ZC3H7A: variants seen among roughly 807,000 people sequenced by gnomAD.
The protein encoded by ZC3H7A is zinc finger CCCH domain-containing protein 7A.
In ZC3H7A, 44 loss-of-function variants were observed where a neutral mutation model predicts 125.5. That is an observed-to-expected ratio of 0.35 (90% confidence interval 0.28 to 0.45). ZC3H7A has a LOEUF of 0.45. ZC3H7A is among the 20% of genes least tolerant of loss of function. The probability of loss-of-function intolerance (pLI) is 1.00; values close to 1 mark genes in which losing one functional copy is unlikely to be tolerated. For synonymous variants in ZC3H7A, 399 were observed against 391.2 expected (o/e 1.02, Z -0.23); for missense variants, 977 against 1,170.7 (o/e 0.83, Z 2.41).
chr16:11,774,644 C>T, intron 8 of ZC3H7A, 125 bp from the exon 9 acceptor site: 1 of 1,201,030 alleles, frequency 8.3e-7, no homozygotes, highest in Non-Finnish European at 1.1e-6. Flanking sequence ...ATAAAATTGA[C>T]AGTATAGTAA....
rs200631759 is a variant in ZC3H7A, at chr16:11,763,474, C to T, written c.2002+4G>A. 338 of 1,592,458 alleles carry T rather than the reference C, an allele frequency of 2.1e-4. 1 individual carries two copies. The Admixed American group carries it at 5.7e-3, about 27-fold the overall frequency. The stretch of plus-strand genomic sequence containing the variant: ...ACATACTTCTCAGTCGCACTCAAAC[C>T]TACCTGTTTCATTTTGCATTATCCA... On this transcript the variant is annotated splice_donor_region_variant and intron_variant, in intron 16 of 22. Transcript: ENST00000355758.
At chr16:11,794,612 T>G (rs545028092) in intron 1 of ZC3H7A, among the ~76,000 whole-genome samples, 6 of 152,220 alleles carry the variant, frequency 3.9e-5, no homozygotes, top group Non-Finnish European at 5.9e-5. Flanking sequence ...CACATCATAC[T>G]GTCTCTAGAA....
Position 11,758,510 on chromosome 16 carries a change from T to C in ZC3H7A, c.2349A>G (p.Lys783=), listed in dbSNP as rs775517937. 2 of 1,612,798 alleles carry C rather than the reference T, an allele frequency of 1.2e-6. No individual in the cohort carries two copies. The highest frequency in any genetic ancestry group is 8.5e-7 in the Non-Finnish European group (1 of 1,179,060). Residue 783 remains lysine, a synonymous_variant, in exon 20 of 23, where the codon AAA becomes AAG. Coordinates refer to ENST00000355758, the MANE Select transcript of ZC3H7A (RefSeq NM_014153.4). The part of the protein sequence containing the change: ...DLCNHIASGK[K]CQYVGNCSFA... Reference sequence around the variant, plus strand: ...AGGAACAGTTTCCAACATATTGACATTTTTTCCCAGAAGCAATATGGTTGC... The same window carrying C: ...AGGAACAGTTTCCAACATATTGACACTTTTTCCCAGAAGCAATATGGTTGC...
intron 16 of ZC3H7A, chr16:11,763,170 T>G (rs1213068425): frequency 1.2e-5 from 3 of 259,346 alleles, no homozygotes; most frequent in Non-Finnish European, 2.2e-5. Flanking sequence ...CGTAGTGTTG[T>G]GATCCTGGCC....
intron 21 of ZC3H7A, 71 bp from the exon 22 acceptor site, chr16:11,752,903 CAGGCTGGTG>C: frequency 6.5e-7 from 1 of 1,549,798 alleles, no homozygotes; most frequent in Non-Finnish European, 8.7e-7. Flanking sequence ...CCAGGGAGCC[CAGGCTGGTG>C]GGAGAGCCAG....
intron 11 of ZC3H7A, among the ~76,000 whole-genome samples, 154 bp downstream of exon 11, chr16:11,768,877 T>C (rs1275331404): frequency 1.3e-5 from 2 of 152,216 alleles, no homozygotes; most frequent in Non-Finnish European, 1.5e-5. Flanking sequence ...AGAGCCGTTA[T>C]TACTAGATGT....
In ZC3H7A at chr16:11,752,767, G is replaced by C; in HGVS notation, c.2628C>G (p.Ile876Met). The C allele has an allele frequency of 1.2e-6, 2 of 1,614,172 alleles. No individual in the cohort carries two copies. The highest frequency in any genetic ancestry group is 1.7e-6 in the Non-Finnish European group (2 of 1,180,028). The change falls in exon 22 of 23, where the codon ATC becomes ATG. Residue 876 changes from isoleucine (I) to methionine (M), a missense_variant. Ile to Met is a conservative substitution (Grantham distance 10, BLOSUM62 1). Transcript: ENST00000355758. ...CNSEKQWQGH[I>M]SSEKHKEKVF... ...CCTTCTCTTTGTGCTTCTCGGAGGAGATGTGGCCCTGCCACTGCTTCTCAC... is the reference window on the plus strand; with the variant it reads ...CCTTCTCTTTGTGCTTCTCGGAGGACATGTGGCCCTGCCACTGCTTCTCAC...
chr16:11,776,485 T>C lies in ZC3H7A; in HGVS notation c.513A>G (p.Gly171=), dbSNP rs1260614353. Residue 171 remains glycine (G), a synonymous_variant, in exon 6 of 23, where the codon GGA becomes GGG. Transcript: ENST00000355758. ...KLTQELAQKL[G]FKIRKAYVRA... is the part of the protein sequence containing the mutation. ...TGACATACGCTTTTCTTATTTTAAA[T>C]CCCAATTTCTGAGCTAGTTCTTGAG... The C allele has an allele frequency of 1.9e-6, 3 of 1,611,810 alleles. No homozygotes were observed. Among genetic ancestry groups the C allele is most frequent in the African/African-American group, 1.3e-5 (1 of 74,946 alleles).
intron 21 of ZC3H7A, among the ~76,000 whole-genome samples, chr16:11,753,364 G>T (rs967185518): frequency 6.6e-6 from 1 of 152,256 alleles, no homozygotes; most frequent in Non-Finnish European, 1.5e-5. Context: ...TTTCCCAAAT[G>T]TCCTGGGCAA....
Position 11,752,758 on chromosome 16 carries a change from C to G in ZC3H7A, c.2637G>C (p.Glu879Asp). ...TGTGGAAAACCTTCTCTTTGTGCTT[C>G]TCGGAGGAGATGTGGCCCTGCCACT... Reference protein sequence around the residue: ...EKQWQGHISSEKHKEKVFHTE... With the variant: ...EKQWQGHISSDKHKEKVFHTE... Residue 879 changes from glutamate to aspartate, a missense_variant, in exon 22 of 23, where the codon GAG (glutamate) becomes GAC (aspartate). Around this residue, in one of 3 missense-constraint regions of ZC3H7A, gnomAD observed 436 missense variants for 603.2 expected, o/e 0.72. Transcript: ENST00000355758. 1 of 1,614,174 alleles carries G rather than the reference C, an allele frequency of 6.2e-7. No individual in the cohort carries two copies. Among genetic ancestry groups the G allele is most frequent in the Non-Finnish European group, 8.5e-7 (1 of 1,180,034 alleles).
At chr16:11,754,011 T>C (rs991605906) in intron 21 of ZC3H7A, 20 of 151,520 alleles carry the variant, frequency 1.3e-4, no homozygotes, top group African/African-American at 4.6e-4. Context: ...CAAGGAGCAG[T>C]TGGGCGCAGT....
At chr16:11,786,873 A>G (rs2053264470) in intron 1 of ZC3H7A, among the ~76,000 whole-genome samples, 1 of 152,208 alleles carries the variant, frequency 6.6e-6, no homozygotes, top group Non-Finnish European at 1.5e-5. Context: ...CTGTTCATTC[A>G]TCAGTCCGTC....
At chr16:11,770,733 A>G (rs2052964981) in intron 10 of ZC3H7A, 50 bp downstream of exon 10, 8 of 1,520,690 alleles carry the variant, frequency 5.3e-6, no homozygotes, top group Non-Finnish European at 5.4e-6. Context: ...AAACATTTTC[A>G]TTTTGAGAAA....
chr16:11,794,581 T>C (rs1215152422), intron 1 of ZC3H7A, among the ~76,000 whole-genome samples: 1 of 152,214 alleles, frequency 6.6e-6, no homozygotes, highest in Non-Finnish European at 1.5e-5. Context: ...CCAGACGTTA[T>C]CCAGAAGACA....
intron 9 of ZC3H7A, among the ~76,000 whole-genome samples, chr16:11,773,749 G>A (rs2053028130): frequency 6.6e-6 from 1 of 151,726 alleles, no homozygotes; most frequent in Non-Finnish European, 1.5e-5. Flanking sequence ...CAGGCGTGGT[G>A]GCGGGCGCCT....
intron 13 of ZC3H7A, 119 bp downstream of exon 13, chr16:11,767,298 G>C (rs2052876905): frequency 1.1e-6 from 1 of 890,734 alleles, no homozygotes; most frequent in Non-Finnish European, 1.6e-6. Context: ...GTTTGTGTAA[G>C]TACTCTGTGA....
chr16:11,763,119 T>G lies in ZC3H7A; in HGVS notation c.2002+359A>C, dbSNP rs138072128. The G allele has an allele frequency of 1.6e-3, 411 of 249,194 alleles. 3 individuals are homozygous for G. Among genetic ancestry groups the G allele is most frequent in the African/African-American group, 8.8e-3 (389 of 44,414 alleles). 15.4% of individuals were successfully genotyped at this position (249,194 alleles called of 1,614,324 possible). A position where few individuals can be genotyped will look rare whatever the true frequency, so the allele number is the denominator to read the frequency against. ...GGTCTCCAAATTCCTTTTTGTTTTTTTTTTTTTTGAGACAGTCTCATGTTA... is the reference window on the plus strand; with the variant it reads ...GGTCTCCAAATTCCTTTTTGTTTTTGTTTTTTTTGAGACAGTCTCATGTTA... On this transcript the variant is annotated intron_variant, in intron 16 of 22. Coordinates refer to ENST00000355758, the MANE Select transcript of ZC3H7A (RefSeq NM_014153.4).
chr16:11,758,453 C>A lies in ZC3H7A; in HGVS notation c.2406G>T (p.Trp802Cys). 1 of 1,613,576 alleles carries A rather than the reference C, an allele frequency of 6.2e-7. No individual in the cohort carries two copies. Among genetic ancestry groups the A allele is most frequent in the Non-Finnish European group, 8.5e-7 (1 of 1,179,542 alleles). ...FAHSPEEREV[W>C]TYMKENGIQD... ...TACTCCCATTCTCCTTCATGTAAGT[C>A]CAAACTTCTCTTTCCTCAGGACTAT... is the stretch of plus-strand genomic sequence containing the variant. Residue 802 changes from tryptophan (W) to cysteine (C), a missense_variant, in exon 20 of 23, where the codon TGG becomes TGT. Trp to Cys is a radical substitution (Grantham distance 215, BLOSUM62 -2). Transcript: ENST00000355758.
chr16:11,774,483 A>G lies in ZC3H7A; in HGVS notation c.656T>C (p.Val219Ala), dbSNP rs202182760. The change falls in exon 9 of 23, where the codon GTC (valine) becomes GCC (alanine). Residue 219 changes from valine to alanine, a missense_variant. By Grantham distance (64) the Val-to-Ala change is moderately conservative. Around this residue, in one of 3 missense-constraint regions of ZC3H7A, gnomAD observed 342 missense variants for 311.3 expected, o/e 1.10. Coordinates refer to ENST00000355758, the MANE Select transcript of ZC3H7A (RefSeq NM_014153.4). ...LTPRQEAVPVVSLPAPSFSHE... is the reference protein window; with the variant it reads ...LTPRQEAVPVASLPAPSFSHE... ...AGAAAAACTGGGTGCCGGTAAAGAG[A>G]CAACAGGAACTGCTTCTTGCCTTGG... 6.4e-7 allele frequency: 1 copy of G among 1,572,214 alleles called. No homozygotes were observed. The highest frequency in any genetic ancestry group is 2.3e-5 in the East Asian group (1 of 44,066).
Sources: gnomAD v4.1 joint callset for allele counts (sites outside exome capture counted in the v4.1 genomes callset) on GRCh38, gnomAD v4.1.1 for gene constraint, gnomAD v4.1.1 regional missense constraint, MANE v1.5 for transcripts, NCBI Gene and HGNC (gene_info 2026-07-23, HGNC 2026-07-21) for gene names.